The following MYOZ2 variants were observed in gnomAD, a reference collection of about 807,000 sequenced individuals.
MYOZ2 encodes myozenin 2.
In MYOZ2, 19 loss-of-function variants were observed where a neutral mutation model predicts 25.4. The observed-to-expected ratio is 0.75, with a 90% confidence interval of 0.52 to 1.10. The LOEUF (loss-of-function observed/expected upper bound fraction) is 1.10, where lower values mean the gene tolerates loss of function less well. Ranked by LOEUF, MYOZ2 falls within the 50% of genes least tolerant of loss-of-function variation. The pLI is 0.00. For synonymous variants in MYOZ2, 92 were observed against 106.9 expected, an observed-to-expected ratio of 0.86 and a Z score of 0.86; for missense variants, 270 against 317.9, an observed-to-expected ratio of 0.85 and a Z score of 1.15.
intron 5 of MYOZ2, among the ~76,000 whole-genome samples, chr4:119,170,566 G>A (rs575396764): frequency 6.6e-6 from 1 of 152,050 alleles, no homozygotes; most frequent in South Asian, 2.1e-4. Flanking sequence ...TTCCATAAAT[G>A]GAATTAATAG....
Position 119,186,436 on chromosome 4 carries a change from T to C in MYOZ2, c.*236T>C, listed in dbSNP as rs1355609409. 2.0e-6 allele frequency: 1 copy of C among 501,628 alleles called. No homozygotes were observed. The highest frequency in any genetic ancestry group is 3.5e-6 in the Non-Finnish European group (1 of 284,604). 31.1% of individuals were successfully genotyped at this position (501,628 alleles called of 1,614,324 possible). On this transcript the variant is annotated 3_prime_UTR_variant, in exon 6 of 6. Coordinates refer to ENST00000307128, the MANE Select transcript of MYOZ2 (RefSeq NM_016599.5). ...CATTCATAATTTTGTTTTCACCTGG[T>C]TTAAAGAATCCAGATATTTTACTGC... is the stretch of plus-strand genomic sequence containing the variant.
chr4:119,154,170 A>G (rs1741518273), intron 3 of MYOZ2, among the ~76,000 whole-genome samples: 1 of 152,168 alleles, frequency 6.6e-6, no homozygotes, highest in African/African-American at 2.4e-5. Flanking sequence ...TCTACCATGT[A>G]TGTGGCACAA....
intron 5 of MYOZ2, among the ~76,000 whole-genome samples, chr4:119,171,680 G>T (rs778642654): frequency 1.3e-4 from 20 of 149,984 alleles, no homozygotes; most frequent in Non-Finnish European, 1.9e-4. Flanking sequence ...GATTTATTTT[G>T]TCATACAACT....
At chr4:119,161,808 A>G (rs1741715939) in intron 4 of MYOZ2, among the ~76,000 whole-genome samples, 1 of 152,222 alleles carries the variant, frequency 6.6e-6, no homozygotes, top group African/African-American at 2.4e-5. Flanking sequence ...ATTTGGGGGA[A>G]AAACATAATA....
chr4:119,174,705 G>A (rs1156241711), intron 5 of MYOZ2, among the ~76,000 whole-genome samples: 1 of 152,176 alleles, frequency 6.6e-6, no homozygotes, highest in East Asian at 1.9e-4. Flanking sequence ...GGCCAGACAA[G>A]AGAATAAAAG....
chr4:119,148,782 A>C lies in MYOZ2; in HGVS notation c.77-2090A>C, dbSNP rs1181682071. On this transcript the variant is annotated intron_variant, in intron 2 of 5. Coordinates refer to ENST00000307128, the MANE Select transcript of MYOZ2 (RefSeq NM_016599.5). ...TGGAGTCATTGGCAAAAAAAAAAAA[A>C]ACCTTTCCATTTAAAGAATTTGTTT... Among the ~76,000 whole-genome samples the C allele has an allele frequency of 4.8e-5, 7 of 145,860 alleles. 1 individual carries two copies. The highest frequency in any genetic ancestry group is 1.1e-4 in the Non-Finnish European group (7 of 65,870).
chr4:119,171,434 C>T (rs1056770251), intron 5 of MYOZ2, among the ~76,000 whole-genome samples: 4 of 151,864 alleles, frequency 2.6e-5, no homozygotes, highest in African/African-American at 9.7e-5. Flanking sequence ...AAAAAAATCA[C>T]ATAGGCAAAA....
chr4:119,163,852 A>G (rs1415276265), intron 4 of MYOZ2, among the ~76,000 whole-genome samples: 1 of 152,200 alleles, frequency 6.6e-6, no homozygotes, highest in Admixed American at 6.5e-5. Context: ...TAACATTTTT[A>G]AATTAATTAA....
At chr4:119,166,529 T>C (rs1032724142) in intron 5 of MYOZ2, among the ~76,000 whole-genome samples, 3 of 151,770 alleles carry the variant, frequency 2.0e-5, no homozygotes, top group South Asian at 2.1e-4. Context: ...AAAAAGTATA[T>C]GCACAGGGAT....
Position 119,186,003 on chromosome 4 carries a change from A to C in MYOZ2, c.598A>C (p.Arg200=). The C allele has an allele frequency of 6.2e-7, 1 of 1,614,040 alleles. No homozygotes were observed. The highest frequency in any genetic ancestry group is 8.5e-7 in the Non-Finnish European group (1 of 1,180,002). The change falls in exon 6 of 6, where the codon AGA becomes CGA. Residue 200 remains arginine, a synonymous_variant. Transcript: ENST00000307128. ...TPFGGFEKAS[R]MVKFKVPDFE... is the part of the protein sequence containing the mutation. ...ATTTGGAGGTTTTGAAAAAGCATCA[A>C]GAATGGTTAAATTTAAAGTTCCAGA...
At chr4:119,179,804 A>G (rs1485907014) in intron 5 of MYOZ2, among the ~76,000 whole-genome samples, 1 of 152,208 alleles carries the variant, frequency 6.6e-6, no homozygotes, top group Non-Finnish European at 1.5e-5. Flanking sequence ...AGAAGTGAAC[A>G]CTGTGTTCTC....
chr4:119,182,558 G>T (rs966692747), intron 5 of MYOZ2, among the ~76,000 whole-genome samples: 4 of 152,116 alleles, frequency 2.6e-5, no homozygotes, highest in South Asian at 2.1e-4. Context: ...GTGGCAGGGT[G>T]GGGGGAGATG....
chr4:119,149,799 G>A (rs1399869289), intron 2 of MYOZ2, among the ~76,000 whole-genome samples: 1 of 152,096 alleles, frequency 6.6e-6, no homozygotes, highest in Non-Finnish European at 1.5e-5. Flanking sequence ...TTTATAATTA[G>A]TGGACTCCTC....
intron 5 of MYOZ2, among the ~76,000 whole-genome samples, chr4:119,172,199 G>T (rs1365829642): frequency 6.6e-6 from 1 of 152,194 alleles, no homozygotes; most frequent in Non-Finnish European, 1.5e-5. Flanking sequence ...AAGGAGGCTT[G>T]TAACCCCCCA....
At position 119,150,896 on chromosome 4, in the gene MYOZ2, A is replaced by G. The variant is rs1245993988; in HGVS notation, c.101A>G (p.Lys34Arg). ...GATGTTGATGGCATGGACCTGGGCA[A>G]AAAGGTCAGCATCCCCAGAGACATC... ...GNDVDGMDLG[K>R]KVSIPRDIML... The change falls in exon 3 of 6, where the codon AAA (lysine) becomes AGA (arginine). Residue 34 changes from lysine (K) to arginine (R), a missense_variant. Physicochemically the swap from Lys to Arg is conservative, Grantham distance 26. Coordinates refer to ENST00000307128, the MANE Select transcript of MYOZ2 (RefSeq NM_016599.5). 6.2e-7 allele frequency: 1 copy of G among 1,613,862 alleles called. No homozygotes were observed. The highest frequency in any genetic ancestry group is 8.5e-7 in the Non-Finnish European group (1 of 1,179,902).
intron 2 of MYOZ2, among the ~76,000 whole-genome samples, chr4:119,145,338 G>GTTTTTTTTTTTTT (rs60344545): frequency 9.9e-6 from 1 of 100,640 alleles, no homozygotes; most frequent in Non-Finnish European, 1.9e-5. Flanking sequence ...TGCGTGTGTG[G>GTTTTTTTTTTTTT]TTTTTTTTTT....
intron 5 of MYOZ2, among the ~76,000 whole-genome samples, chr4:119,173,844 T>C (rs1190406528): frequency 2.0e-5 from 3 of 152,192 alleles, no homozygotes; most frequent in Non-Finnish European, 4.4e-5. Context: ...GCTGGAGTTC[T>C]GGGTGGGCAT....
intron 2 of MYOZ2, among the ~76,000 whole-genome samples, chr4:119,136,950 TC>T (rs1167308143): frequency 3.3e-5 from 5 of 152,146 alleles, no homozygotes; most frequent in African/African-American, 4.8e-5. Context: ...TTATTGTCCA[TC>T]CCACATGGTT....
intron 5 of MYOZ2, among the ~76,000 whole-genome samples, chr4:119,172,875 T>C (rs747754044): frequency 3.0e-4 from 46 of 152,226 alleles, no homozygotes; most frequent in Non-Finnish European, 2.6e-4. Flanking sequence ...CTCACTGTTA[T>C]AATTTTCTCA....
Sources: allele counts gnomAD v4.1 joint callset (sites outside exome capture counted in the v4.1 genomes callset), GRCh38; gene constraint gnomAD v4.1.1; transcripts MANE v1.5; gene names NCBI Gene and HGNC (gene_info 2026-07-23, HGNC 2026-07-21).